The following RIPK1 variants were observed in gnomAD, a reference collection of about 807,000 sequenced individuals.
The protein encoded by RIPK1 is receptor interacting serine/threonine kinase 1, also known as receptor-interacting serine/threonine-protein kinase 1.
Under a neutral mutation model 62.4 loss-of-function variants are expected in RIPK1, and 27 were observed. That is an observed-to-expected ratio of 0.43 (90% confidence interval 0.32 to 0.60). The LOEUF (loss-of-function observed/expected upper bound fraction) is 0.60, where lower values mean the gene tolerates loss of function less well. RIPK1 is among the 20% of genes least tolerant of loss of function. The pLI is 0.07. For missense variants in RIPK1, 735 were observed against 831.0 expected (o/e 0.88, Z 1.42); for synonymous variants, 287 against 303.2 (o/e 0.95, Z 0.55).
At chr6:3,102,130 G>T (rs1760612319) in intron 7 of RIPK1, among the ~76,000 whole-genome samples, 1 of 152,030 alleles carries the variant, frequency 6.6e-6, no homozygotes. Flanking sequence ...CCCTTTTATG[G>T]CTGAATAACA....
intron 7 of RIPK1, among the ~76,000 whole-genome samples, chr6:3,098,484 C>T (rs1328773182): frequency 6.6e-6 from 1 of 152,096 alleles, no homozygotes; most frequent in Non-Finnish European, 1.5e-5. Flanking sequence ...GAAATAAATC[C>T]AAATAAACAG....
At chr6:3,066,110 G>A (rs1011845058), upstream of RIPK1, among the ~76,000 whole-genome samples, 7 of 152,066 alleles carry the variant, frequency 4.6e-5, no homozygotes, top group South Asian at 2.1e-4. Context: ...TGCAACCTCC[G>A]CCTTCTGGGT....
intron 1 of RIPK1, among the ~76,000 whole-genome samples, chr6:3,070,545 C>T (rs1337718094): frequency 6.6e-6 from 1 of 152,222 alleles, no homozygotes; most frequent in African/African-American, 2.4e-5. Context: ...TCAAGCAGTT[C>T]TCCTGCCTCA....
At chr6:3,085,904 G>T (rs1311286845) in intron 6 of RIPK1, among the ~76,000 whole-genome samples, 1 of 152,332 alleles carries the variant, frequency 6.6e-6, no homozygotes, top group South Asian at 2.1e-4. Flanking sequence ...CATCTGTGTT[G>T]TAGCATATGT....
At chr6:3,065,950 T>C (rs533972346), upstream of RIPK1, among the ~76,000 whole-genome samples, 1 of 152,264 alleles carries the variant, frequency 6.6e-6, no homozygotes, top group East Asian at 1.9e-4. Flanking sequence ...CAAGGTCACA[T>C]GATGTCTAGA....
upstream of RIPK1, among the ~76,000 whole-genome samples, chr6:3,064,833 C>T (rs1758304883): frequency 6.6e-6 from 1 of 152,150 alleles, no homozygotes. Flanking sequence ...AGGCTGTGAC[C>T]TCAGTGAGGC....
chr6:3,090,602 G>A (rs1760001365), intron 7 of RIPK1, among the ~76,000 whole-genome samples: 2 of 152,046 alleles, frequency 1.3e-5, no homozygotes, highest in Non-Finnish European at 2.9e-5. Flanking sequence ...AAGAAAAACA[G>A]ACAAATCCAC....
rs143629855 is a variant in RIPK1, at chr6:3,072,186, A to G, written c.-61+3525A>G. 5.3e-3 allele frequency among the ~76,000 whole-genome samples: 809 copies of G among 152,314 alleles called. 8 individuals carry two copies. Among genetic ancestry groups the G allele is most frequent in the African/African-American group, 0.019 (774 of 41,564 alleles). On this transcript the variant is annotated intron_variant, in intron 1 of 10. Transcript: ENST00000259808. This position sits in a 1 kb window ranked among gnomAD's most constrained non-coding sequence, Gnocchi z 5.6. Reference sequence around the variant, plus strand: ...TCTCTGATTTGATCCCTCAGAGTAAAGAAATACTGAGTCAAGGAATTATTC... The same window carrying G: ...TCTCTGATTTGATCCCTCAGAGTAAGGAAATACTGAGTCAAGGAATTATTC...
At chr6:3,082,333 G>T (rs1759435383) in intron 4 of RIPK1, among the ~76,000 whole-genome samples, 1 of 152,186 alleles carries the variant, frequency 6.6e-6, no homozygotes, top group South Asian at 2.1e-4. Context: ...TAGAATCTGT[G>T]AATTTTAGGT....
chr6:3,073,740 G>T (rs1758894129), intron 1 of RIPK1, among the ~76,000 whole-genome samples: 1 of 152,050 alleles, frequency 6.6e-6, no homozygotes, highest in African/African-American at 2.4e-5. Flanking sequence ...CGGGTCACCT[G>T]TAGCCGGCCA....
At chr6:3,108,983 A>G (rs527822495) in intron 9 of RIPK1, among the ~76,000 whole-genome samples, 1 of 152,212 alleles carries the variant, frequency 6.6e-6, no homozygotes, top group East Asian at 1.9e-4. Context: ...CCCTCCTCAG[A>G]ACTGTCTTCT....
upstream of RIPK1, chr6:3,068,366 A>G (rs1397009937): frequency 3.0e-6 from 3 of 985,236 alleles, no homozygotes; most frequent in Middle Eastern, 5.2e-4. Flanking sequence ...AAAGTCCGCG[A>G]TCCTCTAGCC....
chr6:3,080,646 C>T (rs1759325505), intron 3 of RIPK1, among the ~76,000 whole-genome samples: 1 of 152,188 alleles, frequency 6.6e-6, no homozygotes, highest in Admixed American at 6.5e-5. Context: ...ATTCAACAAG[C>T]ATTCCAGGTA....
At chr6:3,101,685 T>C (rs1760594592) in intron 7 of RIPK1, among the ~76,000 whole-genome samples, 1 of 152,198 alleles carries the variant, frequency 6.6e-6, no homozygotes, top group Admixed American at 6.5e-5. Flanking sequence ...TCTTTGGGTG[T>C]AGGGCAAAAC....
intron 9 of RIPK1, among the ~76,000 whole-genome samples, 173 bp downstream of exon 9, chr6:3,106,224 G>C (rs1760843648): frequency 6.6e-6 from 1 of 152,212 alleles, no homozygotes; most frequent in Admixed American, 6.5e-5. Flanking sequence ...TGGTCTGGGA[G>C]TATTTCATCT....
intron 6 of RIPK1, 107 bp from the exon 7 acceptor site, chr6:3,089,474 C>T (rs1759903424): frequency 1.5e-6 from 1 of 667,098 alleles, no homozygotes; most frequent in East Asian, 2.8e-5. Flanking sequence ...TTTATTTAAG[C>T]TTTGCCCACA....
At chr6:3,090,590 CAAAGAA>C (rs1265001611) in intron 7 of RIPK1, among the ~76,000 whole-genome samples, 1 of 152,010 alleles carries the variant, frequency 6.6e-6, no homozygotes, top group South Asian at 2.1e-4. Flanking sequence ...TGACAGAACT[CAAAGAA>C]AAACAGACAA....
Position 3,076,699 on chromosome 6 carries a change from CATATATATATATAT to C in RIPK1, c.-60-51_-60-38del, listed in dbSNP as rs10526418. ...TGTCTCCAAAGGAGAAAAAAAAAAA[CATATATATATATAT>C]ATATATATATATAGTCTTGCCCTGA... On this transcript the variant is annotated intron_variant, in intron 1 of 10. Coordinates refer to ENST00000259808, the MANE Select transcript of RIPK1 (RefSeq NM_001354930.2). The C allele has an allele frequency of 9.6e-5, 21 of 217,784 alleles. 1 individual carries two copies. Among genetic ancestry groups the C allele is most frequent in the Admixed American group, 6.0e-4 (8 of 13,366 alleles). The allele number at this position is 217,784 out of a possible 1,614,324, so 13.5% of individuals were successfully genotyped here. A position where few individuals can be genotyped will look rare whatever the true frequency, so the allele number is the denominator to read the frequency against.
chr6:3,090,691 G>C (rs1232501262), intron 7 of RIPK1, among the ~76,000 whole-genome samples: 2 of 152,006 alleles, frequency 1.3e-5, no homozygotes, highest in Non-Finnish European at 2.9e-5. Flanking sequence ...GGATATAGAA[G>C]ACAGAAAGAA....
Sources: gnomAD v4.1 joint callset for allele counts (sites outside exome capture counted in the v4.1 genomes callset) on GRCh38, gnomAD v4.1.1 for gene constraint, Gnocchi (gnomAD v3.1) non-coding constraint, MANE v1.5 for transcripts, NCBI Gene and HGNC (gene_info 2026-07-23, HGNC 2026-07-21) for gene names.